Variants in PECAM1 observed in about 807,000 individuals in gnomAD.
The protein encoded by PECAM1 is platelet endothelial cell adhesion molecule.
Under a neutral mutation model 13.8 loss-of-function variants are expected in PECAM1, and 8 were observed. The ratio of observed to expected loss-of-function variants is 0.58; its 90% CI spans 0.34 to 1.05. PECAM1 has a LOEUF of 1.05. Ranked by LOEUF, PECAM1 falls within the 50% of genes least tolerant of loss-of-function variation. PECAM1 has a pLI of 0.03. For missense variants in PECAM1, 304 were observed against 141.2 expected (o/e 2.15, Z -5.84); for synonymous variants, 136 against 52.6 (o/e 2.58, Z -6.86).
chr17:64,366,779 A>G (rs2143833773), intron 5 of PECAM1, among the ~76,000 whole-genome samples: 1 of 138,600 alleles, frequency 7.2e-6, no homozygotes, highest in South Asian at 2.3e-4. Context: ...AACAATGAGA[A>G]CACATGGACA....
At chr17:64,329,781 C>G (rs782670729) in intron 14 of PECAM1, 59 bp from the exon 15 acceptor site, 4 of 741,966 alleles carry the variant, frequency 5.4e-6, no homozygotes, top group Non-Finnish European at 1.0e-5. Flanking sequence ...TCAACTGCCC[C>G]AACAACATCA....
At chr17:64,369,152 C>T (rs2036181094) in intron 5 of PECAM1, among the ~76,000 whole-genome samples, 1 of 151,850 alleles carries the variant, frequency 6.6e-6, no homozygotes, top group African/African-American at 2.4e-5. Context: ...CCAGGCTGGT[C>T]TCGAACTCCC....
At chr17:64,372,691 T>C (rs1050317890) in intron 4 of PECAM1, among the ~76,000 whole-genome samples, 12 of 151,694 alleles carry the variant, frequency 7.9e-5, no homozygotes, top group Non-Finnish European at 1.8e-4. Context: ...TTAGTAGAGA[T>C]GAGGTTTCAC....
intron 11 of PECAM1, among the ~76,000 whole-genome samples, chr17:64,350,765 G>T (rs2035703906): frequency 6.7e-6 from 1 of 150,072 alleles, no homozygotes; most frequent in Non-Finnish European, 1.5e-5. Context: ...GTCTCGCTTT[G>T]TTGCACAGGC....
intron 14 of PECAM1, among the ~76,000 whole-genome samples, chr17:64,336,304 A>G (rs1423441321): frequency 6.6e-6 from 1 of 151,060 alleles, no homozygotes; most frequent in Non-Finnish European, 1.5e-5. Flanking sequence ...GAAAGAAATG[A>G]TGATCCTTAA....
chr17:64,354,027 C>T (rs1458578822), intron 9 of PECAM1, among the ~76,000 whole-genome samples: 1 of 151,466 alleles, frequency 6.6e-6, no homozygotes, highest in Non-Finnish European at 1.5e-5. Context: ...GTAACCTCTG[C>T]CTCCCAGGTT....
Position 64,320,997 on chromosome 17 carries a change from G to T in PECAM1, c.*2819C>A, listed in dbSNP as rs2034802643. 1 of 152,046 alleles carries T rather than the reference G, an allele frequency of 6.6e-6. No individual in the cohort carries two copies. Among genetic ancestry groups the T allele is most frequent in the Non-Finnish European group, 1.5e-5 (1 of 68,032 alleles). The allele number at this position is 152,046 out of a possible 1,614,324, so 9.4% of individuals were successfully genotyped here. On this transcript the variant is annotated 3_prime_UTR_variant, in exon 16 of 16. Transcript: ENST00000563924. ...TCCAAAACCAGCGGGAGACAAAATC[G>T]CCCGACAGTCGTTGCTTTAGTGAGT...
Position 64,374,231 on chromosome 17 carries a change from T to A in PECAM1, c.691+820A>T, listed in dbSNP as rs972466004. ...TAGGCTGGGCACGGTGGCTCACGCC[T>A]GTAATCCTAGCACTTTAGGAGGCCG... On this transcript the variant is annotated intron_variant, in intron 4 of 15. Coordinates refer to ENST00000563924, the MANE Select transcript of PECAM1 (RefSeq NM_000442.5). Among the ~76,000 whole-genome samples, 385 of 152,336 alleles carry A rather than the reference T, an allele frequency of 2.5e-3. 1 individual carries two copies. Among genetic ancestry groups the A allele is most frequent in the African/African-American group, 8.6e-3 (357 of 41,564 alleles).
At chr17:64,348,868 G>A (rs1223427578) in intron 12 of PECAM1, among the ~76,000 whole-genome samples, 1 of 152,212 alleles carries the variant, frequency 6.6e-6, no homozygotes, top group Non-Finnish European at 1.5e-5. Flanking sequence ...AGGGCCTCGG[G>A]GCCCATGGTT....
Position 64,334,652 on chromosome 17 carries a change from C to A in PECAM1, c.2165-4930G>T, listed in dbSNP as rs1024831494. 1.3e-4 allele frequency among the ~76,000 whole-genome samples: 20 copies of A among 152,210 alleles called. No individual in the cohort carries two copies. The East Asian group carries it at 2.5e-3, about 19-fold the overall frequency. ...GCCTCCCATGTAGCTGGACTACAGGCGCCCGCCACCACGTCCAGCTAATTT... is the reference window on the plus strand; with the variant it reads ...GCCTCCCATGTAGCTGGACTACAGGAGCCCGCCACCACGTCCAGCTAATTT... On this transcript the variant is annotated intron_variant, in intron 14 of 15. Transcript: ENST00000563924.
chr17:64,366,031 C>T (rs2036095890), intron 5 of PECAM1, among the ~76,000 whole-genome samples: 2 of 151,784 alleles, frequency 1.3e-5, no homozygotes, highest in Admixed American at 6.6e-5. Flanking sequence ...TCAGAGTGAA[C>T]AGGCAACCTA....
At chr17:64,346,743 C>T (rs1474448960) in intron 13 of PECAM1, among the ~76,000 whole-genome samples, 2 of 152,312 alleles carry the variant, frequency 1.3e-5, no homozygotes, top group East Asian at 3.9e-4. Context: ...GAACCAGAGA[C>T]AGGGACTTCC....
intron 6 of PECAM1, among the ~76,000 whole-genome samples, chr17:64,360,731 C>T (rs1237524986): frequency 4.0e-5 from 6 of 151,856 alleles, no homozygotes; most frequent in African/African-American, 1.2e-4. Flanking sequence ...ATATCTCACA[C>T]GCACATGCAC....
At chr17:64,365,587 A>G (rs1425469207) in intron 5 of PECAM1, among the ~76,000 whole-genome samples, 15 of 152,200 alleles carry the variant, frequency 9.9e-5, no homozygotes, top group Non-Finnish European at 1.6e-4. Context: ...ACAAGGCTAC[A>G]GTAACCAAAA....
chr17:64,372,261 A>C (rs917413988), intron 4 of PECAM1, among the ~76,000 whole-genome samples: 2 of 152,152 alleles, frequency 1.3e-5, no homozygotes, highest in African/African-American at 4.8e-5. Flanking sequence ...AAAAGAAAGA[A>C]AGAAAGAAAA....
Position 64,323,202 on chromosome 17 carries a change from T to A in PECAM1, c.*614A>T. On this transcript the variant is annotated 3_prime_UTR_variant, in exon 16 of 16. Transcript: ENST00000563924. ...CACCTTCATTTTCTGTTTTGTGCGT[T>A]GCCTGAATGAACGGTGTCTTCAGGT... 1.0e-6 allele frequency: 1 copy of A among 988,042 alleles called. No individual in the cohort carries two copies. The highest frequency in any genetic ancestry group is 1.2e-6 in the Non-Finnish European group (1 of 831,628). The allele number at this position is 988,042 out of a possible 1,614,324, so 61.2% of individuals were successfully genotyped here. A position where few individuals can be genotyped will look rare whatever the true frequency, so the allele number is the denominator to read the frequency against.
At chr17:64,349,712 C>T (rs1383097864) in intron 12 of PECAM1, among the ~76,000 whole-genome samples, 2 of 151,792 alleles carry the variant, frequency 1.3e-5, no homozygotes, top group African/African-American at 4.8e-5. Flanking sequence ...CAGTGAAACC[C>T]TGTCTCTAGT....
chr17:64,367,250 C>T (rs2036129929), intron 5 of PECAM1, among the ~76,000 whole-genome samples: 1 of 152,114 alleles, frequency 6.6e-6, no homozygotes, highest in South Asian at 2.1e-4. Context: ...TCACAGACCC[C>T]ATAGGAAAAA....
chr17:64,364,081 C>A lies in PECAM1; in HGVS notation c.968-684G>T, dbSNP rs1161638184. ...ACAAAATTGATAGACCGCTAGCAAG[C>A]CTAATAAAGAAAAAAAGAGAGAAGA... On this transcript the variant is annotated intron_variant, in intron 5 of 15. Coordinates refer to ENST00000563924, the MANE Select transcript of PECAM1 (RefSeq NM_000442.5). Among the ~76,000 whole-genome samples the A allele has an allele frequency of 2.7e-3, 404 of 151,990 alleles. 2 individuals carry two copies. The highest frequency in any genetic ancestry group is 9.4e-3 in the African/African-American group (389 of 41,450).
Sources: allele counts gnomAD v4.1 joint callset (sites outside exome capture counted in the v4.1 genomes callset), GRCh38; gene constraint gnomAD v4.1.1; transcripts MANE v1.5; gene names NCBI Gene and HGNC (gene_info 2026-07-23, HGNC 2026-07-21).